Variants in PEBP4 observed in about 807,000 individuals in gnomAD.
PEBP4 encodes the protein phosphatidylethanolamine-binding protein 4.
In PEBP4, 22 loss-of-function variants were observed where a neutral mutation model predicts 23.9. The observed-to-expected ratio is 0.92, with a 90% CI of 0.66 to 1.31. The LOEUF (loss-of-function observed/expected upper bound fraction) is 1.31, where lower values mean the gene tolerates loss of function less well. Among genes scored for constraint, PEBP4 ranks in the 40% most tolerant of loss-of-function variants. The probability of loss-of-function intolerance (pLI) is 0.00; values close to 1 mark genes in which losing one functional copy is unlikely to be tolerated. For missense variants in PEBP4, 324 were observed against 281.7 expected, an observed-to-expected ratio of 1.15 and a Z score of -1.07; for synonymous variants, 112 against 99.3, an observed-to-expected ratio of 1.13 and a Z score of -0.76.
Position 22,865,369 on chromosome 8 carries a change from G to GAC in PEBP4, c.259-47635_259-47634insGT, listed in dbSNP as rs1807866090. Among the ~76,000 whole-genome samples the GAC allele has an allele frequency of 6.6e-4, 1 of 1,520 alleles. No individual in the cohort carries two copies. The highest frequency in any genetic ancestry group is 3.3e-3 in the Non-Finnish European group (1 of 306). 1.0% of individuals were successfully genotyped at this position (1,520 alleles called of 152,430 possible). A position where few individuals can be genotyped will look rare whatever the true frequency, so the allele number is the denominator to read the frequency against. ...CTGCCCACCCACGGGCGGTGACGGTGGCGGTGGCGGTGGCGGCGGCGGGAC... is the reference window on the plus strand; with the variant it reads ...CTGCCCACCCACGGGCGGTGACGGTGACGCGGTGGCGGTGGCGGCGGCGGGAC... On this transcript the variant is annotated intron_variant, in intron 3 of 6. Transcript: ENST00000256404. The surrounding 1 kb of genome is among the most constrained non-coding windows in gnomAD (Gnocchi z 6.9).
At chr8:22,740,274 G>GA (rs1804961608) in intron 4 of PEBP4, among the ~76,000 whole-genome samples, 1 of 152,234 alleles carries the variant, frequency 6.6e-6, no homozygotes, top group South Asian at 2.1e-4. Flanking sequence ...GTGCTCATTA[G>GA]AAAGTGTGAC....
intron 3 of PEBP4, among the ~76,000 whole-genome samples, chr8:22,881,299 T>C (rs1025600098): frequency 6.6e-6 from 1 of 152,198 alleles, no homozygotes; most frequent in African/African-American, 2.4e-5. Context: ...CTTTTTTGGC[T>C]CCTCAGACCT....
chr8:22,940,505 T>TTTTTTTC (rs56301473), intron 1 of PEBP4, among the ~76,000 whole-genome samples: 7 of 146,294 alleles, frequency 4.8e-5, no homozygotes, highest in African/African-American at 1.0e-4. Context: ...TTTTTTTTTT[T>TTTTTTTC]CGAGACGGAG....
chr8:22,725,058 G>A (rs945384673), intron 5 of PEBP4, 102 bp from the exon 6 acceptor site: 1 of 810,646 alleles, frequency 1.2e-6, no homozygotes, highest in South Asian at 1.4e-5. Flanking sequence ...TGGGGCCCCA[G>A]ATCAGCACTC....
intron 2 of PEBP4, among the ~76,000 whole-genome samples, chr8:22,922,679 T>C (rs943949108): frequency 5.3e-5 from 8 of 151,856 alleles, no homozygotes; most frequent in Non-Finnish European, 1.0e-4. Context: ...TGAGCCATGA[T>C]TGCATCACCG....
intron 3 of PEBP4, among the ~76,000 whole-genome samples, chr8:22,880,304 A>C (rs2128772119): frequency 6.6e-6 from 1 of 152,294 alleles, no homozygotes; most frequent in African/African-American, 2.4e-5. Context: ...CATTTACTTC[A>C]CAGGGCTTTT....
intron 4 of PEBP4, among the ~76,000 whole-genome samples, chr8:22,762,562 T>C (rs966883460): frequency 6.6e-6 from 1 of 152,154 alleles, no homozygotes; most frequent in East Asian, 1.9e-4. Context: ...AAAAGCCAAG[T>C]TCCCTGGGGA....
At chr8:22,929,983 G>A (rs960760727), upstream of PEBP4, among the ~76,000 whole-genome samples, 3 of 152,298 alleles carry the variant, frequency 2.0e-5, no homozygotes, top group Middle Eastern at 3.4e-3. Context: ...GATTACAGGC[G>A]TGAGCCACCG....
intron 3 of PEBP4, among the ~76,000 whole-genome samples, chr8:22,873,536 G>A (rs193217870): frequency 6.8e-4 from 103 of 152,278 alleles, no homozygotes; most frequent in South Asian, 1.9e-3. Flanking sequence ...TGGGGCTGAG[G>A]TGGGAGGATC....
intron 4 of PEBP4, among the ~76,000 whole-genome samples, chr8:22,761,390 G>A (rs1198758073): frequency 6.6e-6 from 1 of 152,142 alleles, no homozygotes; most frequent in Non-Finnish European, 1.5e-5. Flanking sequence ...GGCGAGGGGA[G>A]GCTGGGGGGA....
chr8:22,797,109 C>T (rs1361698172), intron 4 of PEBP4, among the ~76,000 whole-genome samples: 8 of 151,822 alleles, frequency 5.3e-5, no homozygotes, highest in Non-Finnish European at 7.4e-5. Context: ...TGAAAATCAG[C>T]CGGGCATGGT....
chr8:22,753,898 T>A (rs543414606), intron 4 of PEBP4, among the ~76,000 whole-genome samples: 216 of 152,048 alleles, frequency 1.4e-3, no homozygotes, highest in African/African-American at 5.0e-3. Context: ...TCTGTCTGGG[T>A]GTGAGTGGGG....
chr8:22,858,354 C>A (rs193280835), intron 3 of PEBP4, among the ~76,000 whole-genome samples: 14 of 152,314 alleles, frequency 9.2e-5, no homozygotes, highest in African/African-American at 3.4e-4. Context: ...CACAGGTTAA[C>A]CCTTATCATC....
At chr8:22,908,403 A>AAAAT (rs1808863308) in intron 3 of PEBP4, among the ~76,000 whole-genome samples, 1 of 151,922 alleles carries the variant, frequency 6.6e-6, no homozygotes, top group Admixed American at 6.6e-5. Context: ...CAAAAAAAAA[A>AAAAT]ACCTGTCTAG....
intron 1 of PEBP4, 35 bp from the exon 2 acceptor site, chr8:22,927,755 C>T (rs1269349062): frequency 6.2e-7 from 1 of 1,611,202 alleles, no homozygotes; most frequent in Admixed American, 1.7e-5. Flanking sequence ...GGCTGGATCC[C>T]CTGCAGGGGC....
intron 3 of PEBP4, among the ~76,000 whole-genome samples, chr8:22,851,751 C>T (rs1807555027): frequency 6.6e-6 from 1 of 151,894 alleles, no homozygotes; most frequent in African/African-American, 2.4e-5. Context: ...CAAGCGAGGA[C>T]TTGGGGGGAA....
intron 4 of PEBP4, among the ~76,000 whole-genome samples, chr8:22,762,710 A>G (rs534426144): frequency 2.4e-4 from 37 of 152,178 alleles, no homozygotes; most frequent in South Asian, 4.2e-4. Context: ...GTTCTCCCCA[A>G]CTGTGACTTT....
At chr8:22,905,812 G>T (rs1050873732) in intron 3 of PEBP4, among the ~76,000 whole-genome samples, 1 of 152,170 alleles carries the variant, frequency 6.6e-6, no homozygotes, top group African/African-American at 2.4e-5. Context: ...AGATGAACGA[G>T]GAGGAGGAAA....
At chr8:22,904,757 C>G (rs180945818) in intron 3 of PEBP4, among the ~76,000 whole-genome samples, 1 of 152,138 alleles carries the variant, frequency 6.6e-6, no homozygotes, top group Non-Finnish European at 1.5e-5. Flanking sequence ...TGGCTTCCTT[C>G]GCTTAAAAAT....
Sources: allele counts gnomAD v4.1 joint callset (sites outside exome capture counted in the v4.1 genomes callset), GRCh38; gene constraint gnomAD v4.1.1; non-coding constraint Gnocchi (gnomAD v3.1); transcripts MANE v1.5; gene names NCBI Gene and HGNC (gene_info 2026-07-23, HGNC 2026-07-21).